The following CD86 variants were observed in gnomAD, a reference collection of about 807,000 sequenced individuals.
CD86 encodes T-lymphocyte activation antigen CD86.
In CD86, 11 loss-of-function variants were observed where a neutral mutation model predicts 32.1. The observed-to-expected ratio is 0.34, with a 90% CI of 0.22 to 0.57. The LOEUF is 0.57. Among genes scored for constraint, CD86 ranks in the 20% least tolerant of loss-of-function variants. CD86 has a pLI of 0.86. For missense variants in CD86, 359 were observed against 398.4 expected (o/e 0.90, Z 0.84); for synonymous variants, 137 against 135.3 (o/e 1.01, Z -0.09).
intron 6 of CD86, among the ~76,000 whole-genome samples, chr3:122,118,919 T>C (rs1326569692): frequency 1.3e-5 from 2 of 152,084 alleles, no homozygotes; most frequent in African/African-American, 4.8e-5. Context: ...TCCTGAGAAA[T>C]TAAGCTCTCA....
Position 122,091,573 on chromosome 3 carries a change from GT to G in CD86, c.15-24del, listed in dbSNP as rs776172845. 1.0e-5 allele frequency: 15 copies of G among 1,451,184 alleles called. No homozygotes were observed. In the Admixed American group the frequency reaches 3.3e-4, roughly 32 times the overall value. 89.9% of individuals were successfully genotyped at this position (1,451,184 alleles called of 1,614,324 possible). The stretch of plus-strand genomic sequence containing the variant: ...GTTTTCAGTTTCCTTTTCTAATCAA[GT>G]TTTACCTTTTTTTTTCTCGACTCTA... On this transcript the variant is annotated intron_variant, in intron 1 of 6. Transcript: ENST00000330540.
At chr3:122,077,242 G>A (rs11922347) in intron 1 of CD86, among the ~76,000 whole-genome samples, 10,669 of 152,220 alleles carry the variant, frequency 0.07, 435 homozygotes, top group Middle Eastern at 0.14. Flanking sequence ...ACCTGTCCCC[G>A]CTGAAGCACT....
intron 1 of CD86, among the ~76,000 whole-genome samples, chr3:122,075,744 A>G (rs1446039372): frequency 6.6e-6 from 1 of 152,148 alleles, no homozygotes; most frequent in Non-Finnish European, 1.5e-5. Context: ...CTCACCATTC[A>G]TCTCTCTTTA....
chr3:122,116,841 A>G (rs1281592557), intron 5 of CD86, among the ~76,000 whole-genome samples: 1 of 152,192 alleles, frequency 6.6e-6, no homozygotes, highest in Non-Finnish European at 1.5e-5. Context: ...GAGAAAAAGC[A>G]AAACTATTTT....
intron 3 of CD86, among the ~76,000 whole-genome samples, chr3:122,105,397 G>C (rs564450941): frequency 6.6e-6 from 1 of 152,132 alleles, no homozygotes. Flanking sequence ...AGACCTTTTA[G>C]TAAGAATACA....
chr3:122,104,376 A>C (rs76846228), intron 3 of CD86, among the ~76,000 whole-genome samples: 1,722 of 152,288 alleles, frequency 0.011, 10 homozygotes, highest in Middle Eastern at 0.027. Context: ...AGGGAAAAAA[A>C]CCCAACAAAC....
intron 5 of CD86, among the ~76,000 whole-genome samples, chr3:122,110,005 T>A (rs2073149102): frequency 6.6e-6 from 1 of 152,204 alleles, no homozygotes; most frequent in Non-Finnish European, 1.5e-5. Context: ...TTGGTGCCTA[T>A]CTTTAAGATT....
chr3:122,075,279 G>A (rs2072541267), intron 1 of CD86, among the ~76,000 whole-genome samples: 1 of 152,144 alleles, frequency 6.6e-6, no homozygotes, highest in South Asian at 2.1e-4. Flanking sequence ...AATGGGTGAG[G>A]GTCCTAGAGA....
intron 1 of CD86, among the ~76,000 whole-genome samples, chr3:122,073,311 A>G (rs985893513): frequency 7.2e-5 from 11 of 151,736 alleles, no homozygotes; most frequent in African/African-American, 2.4e-4. Context: ...CTGTCCGTGT[A>G]CCTTCTTTGG....
At position 122,105,008 on chromosome 3, in the gene CD86, A is replaced by G. The variant is rs372497123; in HGVS notation, c.400+1161A>G. 6.8e-4 allele frequency among the ~76,000 whole-genome samples: 103 copies of G among 152,346 alleles called. 3 individuals carry two copies. The South Asian group carries it at 0.015, about 22-fold the overall frequency. ...GAAAAGGCAGATCAACACCTATTCT[A>G]AAACCATAGAGTAAAACAGAAGCAA... On this transcript the variant is annotated intron_variant, in intron 3 of 6. Transcript: ENST00000330540.
chr3:122,058,625 T>C (rs1281641639), intron 1 of CD86, among the ~76,000 whole-genome samples: 1 of 151,046 alleles, frequency 6.6e-6, no homozygotes, highest in Non-Finnish European at 1.5e-5. Context: ...TAATGGGGAG[T>C]AATAATAGAG....
chr3:122,092,921 GT>G (rs2072848140), intron 2 of CD86, among the ~76,000 whole-genome samples: 1 of 152,188 alleles, frequency 6.6e-6, no homozygotes, highest in Non-Finnish European at 1.5e-5. Context: ...TCAGATTTCT[GT>G]TTTTCTGCTT....
Position 122,121,081 on chromosome 3 carries a change from C to G in CD86, c.*1547C>G, listed in dbSNP as rs2073337697. ...CCTTGATTAGACTCCTAGCACCTGG[C>G]TAGTTTCTAACATGTTTTGTGCAGC... On this transcript the variant is annotated 3_prime_UTR_variant, in exon 7 of 7. Coordinates refer to ENST00000330540, the MANE Select transcript of CD86 (RefSeq NM_175862.5). The G allele has an allele frequency of 6.6e-6, 1 of 152,226 alleles. No homozygotes were observed. The highest frequency in any genetic ancestry group is 2.1e-4 in the South Asian group (1 of 4,830). 9.4% of individuals were successfully genotyped at this position (152,226 alleles called of 1,614,324 possible).
intron 5 of CD86, among the ~76,000 whole-genome samples, chr3:122,111,747 CA>C (rs1188454325): frequency 6.6e-6 from 1 of 152,216 alleles, no homozygotes; most frequent in East Asian, 1.9e-4. Context: ...GTGGAAACAG[CA>C]GATCCCTCCA....
chr3:122,091,203 T>C (rs570621785), intron 1 of CD86, among the ~76,000 whole-genome samples: 1 of 152,314 alleles, frequency 6.6e-6, no homozygotes, highest in East Asian at 1.9e-4. Context: ...GCTTTATTAG[T>C]TTATTAAGCA....
chr3:122,073,753 A>T (rs555782219), intron 1 of CD86, among the ~76,000 whole-genome samples: 1 of 152,246 alleles, frequency 6.6e-6, no homozygotes, highest in East Asian at 1.9e-4. Context: ...AATTAAGAAT[A>T]ATTCAGGAAC....
intron 2 of CD86, among the ~76,000 whole-genome samples, chr3:122,100,404 T>C (rs999138408): frequency 3.3e-5 from 5 of 152,114 alleles, no homozygotes; most frequent in African/African-American, 1.2e-4. Flanking sequence ...AGGGAAACAG[T>C]CAATGAAGGG....
chr3:122,076,751 T>C (rs1413180834), intron 1 of CD86, among the ~76,000 whole-genome samples: 1 of 152,172 alleles, frequency 6.6e-6, no homozygotes, highest in Non-Finnish European at 1.5e-5. Flanking sequence ...GAAGATGAAA[T>C]AACTACTTGG....
rs185062509 is a variant in CD86 at position 122,061,551 on chromosome 3, T to C, written c.14+6048T>C. 4.6e-5 allele frequency among the ~76,000 whole-genome samples: 7 copies of C among 152,124 alleles called. No individual in the cohort carries two copies. The East Asian group carries it at 1.4e-3, about 29-fold the overall frequency. ...TCCAATCAGAAAAATGGGCAAAAGATATAAAAAGACATTTCCCCAAAGAAA... is the reference window on the plus strand; with the variant it reads ...TCCAATCAGAAAAATGGGCAAAAGACATAAAAAGACATTTCCCCAAAGAAA... On this transcript the variant is annotated intron_variant, in intron 1 of 6. Transcript: ENST00000330540.
Sources: gnomAD v4.1 joint callset for allele counts (sites outside exome capture counted in the v4.1 genomes callset) on GRCh38, gnomAD v4.1.1 for gene constraint, MANE v1.5 for transcripts, NCBI Gene and HGNC (gene_info 2026-07-23, HGNC 2026-07-21) for gene names.